Variants in BCO1 observed in about 807,000 individuals in gnomAD.
The protein encoded by BCO1 is beta-carotene oxygenase 1, also known as beta,beta-carotene 15,15'-dioxygenase.
In BCO1, 54 loss-of-function variants were observed where a neutral mutation model predicts 56.3. That is an observed-to-expected ratio of 0.96 (90% CI 0.77 to 1.20). BCO1 has a LOEUF of 1.20. Among genes scored for constraint, BCO1 ranks in the 50% most tolerant of loss-of-function variants. BCO1 has a pLI of 0.00. For missense variants in BCO1, 801 were observed against 690.9 expected (o/e 1.16, Z -1.79); for synonymous variants, 318 against 266.1 (o/e 1.20, Z -1.90).
chr16:81,288,503 G>A (rs573974794), intron 10 of BCO1, among the ~76,000 whole-genome samples: 22 of 152,240 alleles, frequency 1.4e-4, no homozygotes, highest in East Asian at 1.2e-3. Context: ...GGGCTCAAGC[G>A]ATCCTCCCAT....
chr16:81,277,029 C>T (rs1387199468), intron 7 of BCO1, among the ~76,000 whole-genome samples: 16 of 136,566 alleles, frequency 1.2e-4, no homozygotes, highest in African/African-American at 3.3e-4. Flanking sequence ...ATCGTGCCAC[C>T]GTATTCCGCC....
chr16:81,280,150 C>T (rs1048495190), intron 7 of BCO1, among the ~76,000 whole-genome samples: 2 of 151,624 alleles, frequency 1.3e-5, no homozygotes, highest in South Asian at 2.1e-4. Flanking sequence ...GTAATCCCAG[C>T]TACTCTGGAG....
chr16:81,286,325 CAG>C (rs1908177756), intron 9 of BCO1, among the ~76,000 whole-genome samples: 1 of 152,014 alleles, frequency 6.6e-6, no homozygotes, highest in African/African-American at 2.4e-5. Flanking sequence ...AAAATGCAAA[CAG>C]AGCAGGAATG....
intron 2 of BCO1, among the ~76,000 whole-genome samples, chr16:81,255,520 G>A (rs1170649184): frequency 1.3e-5 from 2 of 150,118 alleles, no homozygotes; most frequent in Non-Finnish European, 2.9e-5. Flanking sequence ...ATTTTTTTGA[G>A]ATGGAGTCTC....
At chr16:81,267,859 G>A (rs542968301) in intron 5 of BCO1, 49 bp from the exon 6 acceptor site, 5 of 1,550,468 alleles carry the variant, frequency 3.2e-6, no homozygotes, top group South Asian at 2.2e-5. Context: ...GTCTTGGGGG[G>A]GCAGCCAGAT....
At chr16:81,275,684 G>A (rs117348081) in intron 7 of BCO1, among the ~76,000 whole-genome samples, 3 of 152,220 alleles carry the variant, frequency 2.0e-5, no homozygotes, top group South Asian at 4.1e-4. Context: ...CTAAAAGGGC[G>A]CAGCATCTTC....
intron 7 of BCO1, among the ~76,000 whole-genome samples, chr16:81,280,238 C>G (rs1021884140): frequency 5.5e-5 from 7 of 127,384 alleles, no homozygotes; most frequent in African/African-American, 1.5e-4. Context: ...ACTCCGGACT[C>G]CAGTCTGGGC....
chr16:81,290,455 G>A lies in BCO1; in HGVS notation c.1522G>A (p.Asp508Asn), dbSNP rs770573150. The A allele has an allele frequency of 5.0e-6, 8 of 1,613,984 alleles. No individual in the cohort carries two copies. The highest frequency in any genetic ancestry group is 2.2e-5 in the East Asian group (1 of 44,886). Residue 508 changes from aspartate (D) to asparagine (N), a missense_variant, in exon 11 of 11, where the codon GAT (aspartate) becomes AAT (asparagine). By Grantham distance (23) the Asp-to-Asn change is conservative. Transcript: ENST00000258168. The part of the protein sequence containing the change: ...TELARASVDV[D>N]MHMDLHGLFI... ...ATTGGCCCGTGCCTCTGTTGATGTC[G>A]ATATGCACATGGATCTCCATGGATT...
At chr16:81,273,255 T>C (rs1907349431) in intron 7 of BCO1, among the ~76,000 whole-genome samples, 1 of 152,154 alleles carries the variant, frequency 6.6e-6, no homozygotes, top group South Asian at 2.1e-4. Flanking sequence ...AGTGCTGAGA[T>C]TACAGGCATG....
intron 7 of BCO1, among the ~76,000 whole-genome samples, chr16:81,277,633 A>AC (rs1907636585): frequency 6.6e-6 from 1 of 152,074 alleles, no homozygotes; most frequent in South Asian, 2.1e-4. Context: ...TGCATGGAAA[A>AC]CCACAGCGTT....
intron 2 of BCO1, among the ~76,000 whole-genome samples, chr16:81,250,084 C>G (rs1399701398): frequency 6.6e-6 from 1 of 152,200 alleles, no homozygotes; most frequent in Non-Finnish European, 1.5e-5. Context: ...CCAAGTGTTT[C>G]ATGTCCATCC....
intron 4 of BCO1, chr16:81,263,108 CTTT>C (rs71736382): frequency 2.3e-5 from 3 of 127,754 alleles, no homozygotes; most frequent in Non-Finnish European, 1.6e-5. Context: ...AATGTTCTGC[CTTT>C]TTTTTTTTTT....
chr16:81,267,348 C>T lies in BCO1; in HGVS notation c.620-560C>T, dbSNP rs145537455. On this transcript the variant is annotated intron_variant, in intron 5 of 10. Coordinates refer to ENST00000258168, the MANE Select transcript of BCO1 (RefSeq NM_017429.3). The stretch of plus-strand genomic sequence containing the variant: ...CTAATTATGGCCGGGCGCAGTGGCT[C>T]ACACCTGTAATCCCAGCACTTTGGG... 7.7e-3 allele frequency among the ~76,000 whole-genome samples: 1,167 copies of T among 152,266 alleles called. 23 individuals are homozygous for T. Among genetic ancestry groups the T allele is most frequent in the African/African-American group, 0.027 (1,120 of 41,542 alleles).
intron 2 of BCO1, among the ~76,000 whole-genome samples, chr16:81,256,847 C>A (rs1001115887): frequency 6.6e-6 from 1 of 151,988 alleles, no homozygotes; most frequent in African/African-American, 2.4e-5. Flanking sequence ...AAGATCGTAC[C>A]ACTGGACTCC....
chr16:81,265,892 A>C (rs1906791392), intron 5 of BCO1, among the ~76,000 whole-genome samples: 1 of 151,102 alleles, frequency 6.6e-6, no homozygotes, highest in South Asian at 2.1e-4. Context: ...CCATCCATCC[A>C]TCCACCCACC....
At chr16:81,269,029 G>C (rs1226059038) in intron 6 of BCO1, among the ~76,000 whole-genome samples, 1 of 140,906 alleles carries the variant, frequency 7.1e-6, no homozygotes, top group Admixed American at 7.2e-5. Context: ...CCCTCCCAAA[G>C]TACTGGGATT....
intron 2 of BCO1, among the ~76,000 whole-genome samples, chr16:81,259,442 C>G (rs554737356): frequency 6.6e-6 from 1 of 151,860 alleles, no homozygotes; most frequent in Non-Finnish European, 1.5e-5. Flanking sequence ...TGCAGTGAGC[C>G]GAGATCGCAC....
chr16:81,284,063 C>T lies in BCO1; in HGVS notation c.1208-1477C>T, dbSNP rs143839999. 2.0e-3 allele frequency among the ~76,000 whole-genome samples: 308 copies of T among 151,222 alleles called. 1 individual carries two copies. Among genetic ancestry groups the T allele is most frequent in the African/African-American group, 7.0e-3 (288 of 41,242 alleles). ...AAAAAAGTAGCCGGATGTGGTGGCA[C>T]GCACCTGTAGTCCTAGCTACTTGGG... On this transcript the variant is annotated intron_variant, in intron 8 of 10. Transcript: ENST00000258168.
At chr16:81,252,995 C>G (rs115468015) in intron 2 of BCO1, among the ~76,000 whole-genome samples, 1,606 of 152,088 alleles carry the variant, frequency 0.011, 27 homozygotes, top group African/African-American at 0.037. Context: ...TGTCATGCCA[C>G]CTACTCAGGA....
Sources: gnomAD v4.1 joint callset for allele counts (sites outside exome capture counted in the v4.1 genomes callset) on GRCh38, gnomAD v4.1.1 for gene constraint, MANE v1.5 for transcripts, NCBI Gene and HGNC (gene_info 2026-07-23, HGNC 2026-07-21) for gene names.